The following BAIAP2L1 variants were observed in gnomAD, a reference collection of about 807,000 sequenced individuals.
BAIAP2L1 encodes BAR/IMD domain containing adaptor protein 2 like 1.
In BAIAP2L1, 35 loss-of-function variants were observed where a neutral mutation model predicts 66.3. The observed-to-expected ratio is 0.53, with a 90% CI of 0.40 to 0.70. The LOEUF is 0.70. Among genes scored for constraint, BAIAP2L1 ranks in the 30% least tolerant of loss-of-function variants. BAIAP2L1 has a pLI of 0.00. For synonymous variants in BAIAP2L1, 269 were observed against 248.7 expected, an observed-to-expected ratio of 1.08 and a Z score of -0.77; for missense variants, 622 against 656.9, an observed-to-expected ratio of 0.95 and a Z score of 0.58.
In BAIAP2L1 at chr7:98,294,083, G is replaced by A. The variant is rs746660259; in HGVS notation, c.1451C>T (p.Pro484Leu). ...AGGAAGCCACGCCTACCTGAGAAAA[G>A]GCGGCTTTGCAGTCCCGTTGGCATC... ...PNDANGTAKP[P>L]FLSGENPFAT... The change falls in exon 13 of 14, where the codon CCT becomes CTT. Residue 484 changes from proline (P) to leucine (L), a missense_variant. Pro to Leu is a moderately conservative substitution (Grantham distance 98). Coordinates refer to ENST00000005260, the MANE Select transcript of BAIAP2L1 (RefSeq NM_018842.5). 22 of 1,614,148 alleles carry A rather than the reference G, an allele frequency of 1.4e-5. No individual in the cohort carries two copies. In the South Asian group the frequency reaches 2.3e-4, roughly 17 times the overall value.
intron 2 of BAIAP2L1, among the ~76,000 whole-genome samples, chr7:98,359,541 G>A (rs1470721062): frequency 6.6e-6 from 1 of 152,108 alleles, no homozygotes; most frequent in Non-Finnish European, 1.5e-5. Flanking sequence ...AGTGTGCTGG[G>A]ATTACAGGCG....
chr7:98,315,640 T>TAATAAC, intron 6 of BAIAP2L1, 28 bp from the exon 7 acceptor site: 1 of 1,082,064 alleles, frequency 9.2e-7, no homozygotes, highest in Non-Finnish European at 1.2e-6. Flanking sequence ...ATAATAATAA[T>TAATAAC]AATTATATAA....
At chr7:98,370,372 C>CAA (rs397890051) in intron 1 of BAIAP2L1, among the ~76,000 whole-genome samples, 3,914 of 102,638 alleles carry the variant, frequency 0.038, 182 homozygotes, top group African/African-American at 0.062. Flanking sequence ...GGCTCCGTCT[C>CAA]AAAAAAAAAA....
At position 98,292,962 on chromosome 7, in the gene BAIAP2L1, G is replaced by T; in HGVS notation, c.*559C>A. ...TACAGCTCTGGCGTGGTTGGAGGGA[G>T]GGTGGGGGTTTCTCCATCTCTGGAA... On this transcript the variant is annotated 3_prime_UTR_variant, in exon 14 of 14. Coordinates refer to ENST00000005260, the MANE Select transcript of BAIAP2L1 (RefSeq NM_018842.5). The T allele has an allele frequency of 8.3e-7, 1 of 1,209,362 alleles. No individual in the cohort carries two copies. The highest frequency in any genetic ancestry group is 1.0e-6 in the Non-Finnish European group (1 of 972,942). The allele number at this position is 1,209,362 out of a possible 1,614,324, so 74.9% of individuals were successfully genotyped here. A position where few individuals can be genotyped will look rare whatever the true frequency, so the allele number is the denominator to read the frequency against.
intron 3 of BAIAP2L1, among the ~76,000 whole-genome samples, chr7:98,350,249 C>T (rs1183415325): frequency 2.0e-5 from 3 of 151,960 alleles, no homozygotes; most frequent in African/African-American, 4.8e-5. Context: ...TTTTCAACCA[C>T]GAGTCAGTGG....
chr7:98,374,500 T>C (rs1371630540), intron 1 of BAIAP2L1, among the ~76,000 whole-genome samples: 1 of 152,198 alleles, frequency 6.6e-6, no homozygotes, highest in Admixed American at 6.5e-5. Context: ...GTTTCCCTAC[T>C]GTCCTTTGCC....
At chr7:98,335,281 A>C (rs1801591403) in intron 3 of BAIAP2L1, among the ~76,000 whole-genome samples, 1 of 150,338 alleles carries the variant, frequency 6.7e-6, no homozygotes. Context: ...CACCCTTTCC[A>C]CTTCCAACGC....
rs1014836323 is a variant in BAIAP2L1 at position 98,301,794 on chromosome 7, C to T, written c.1422+2402G>A. The stretch of plus-strand genomic sequence containing the variant: ...GGACTGGATGACTGGGAATCTCTCC[C>T]GTGGAGGGGACAGCCTGAAGCTCGC... On this transcript the variant is annotated intron_variant, in intron 12 of 13. Transcript: ENST00000005260. 9.2e-5 allele frequency among the ~76,000 whole-genome samples: 14 copies of T among 152,062 alleles called. 1 individual carries two copies. The highest frequency in any genetic ancestry group is 3.1e-4 in the African/African-American group (13 of 41,400).
At position 98,304,204 on chromosome 7, in the gene BAIAP2L1, C is replaced by T. The variant is rs755715743; in HGVS notation, c.1414G>A (p.Ala472Thr). 24 of 1,594,550 alleles carry T rather than the reference C, an allele frequency of 1.5e-5. No individual in the cohort carries two copies. Among genetic ancestry groups the T allele is most frequent in the South Asian group, 7.9e-5 (7 of 89,034 alleles). The change falls in exon 12 of 14, where the codon GCG becomes ACG. Residue 472 changes from alanine to threonine, a missense_variant. By Grantham distance (58) the Ala-to-Thr change is moderately conservative. Coordinates refer to ENST00000005260, the MANE Select transcript of BAIAP2L1 (RefSeq NM_018842.5). ...GCTGCGGCTTTACTCACAGGAGCCG[C>T]GGTCTCGGGCTTGGACGCTGGGGCC... ...FKAPASKPET[A>T]APNDANGTAK...
intron 3 of BAIAP2L1, among the ~76,000 whole-genome samples, chr7:98,336,287 G>A (rs937830706): frequency 2.6e-5 from 4 of 152,060 alleles, no homozygotes; most frequent in Non-Finnish European, 4.4e-5. Context: ...TGCACCCCCC[G>A]AGTCAAAATA....
chr7:98,308,350 C>A, intron 9 of BAIAP2L1: 1 of 450,310 alleles, frequency 2.2e-6, no homozygotes, highest in Non-Finnish European at 4.5e-6. Flanking sequence ...GTTGGTCTTG[C>A]CATGCTGGCC....
intron 3 of BAIAP2L1, among the ~76,000 whole-genome samples, chr7:98,351,367 G>A (rs1483806602): frequency 6.6e-6 from 1 of 152,192 alleles, no homozygotes; most frequent in East Asian, 1.9e-4. Context: ...CGTGGGGGCT[G>A]TCACCAGGCC....
intron 3 of BAIAP2L1, among the ~76,000 whole-genome samples, chr7:98,352,747 G>A (rs1199569871): frequency 1.3e-5 from 2 of 152,192 alleles, no homozygotes; most frequent in Non-Finnish European, 2.9e-5. Flanking sequence ...CTAAGCCTGT[G>A]TTGTTTATAC....
intron 1 of BAIAP2L1, among the ~76,000 whole-genome samples, chr7:98,396,485 A>G (rs1348843162): frequency 6.6e-6 from 1 of 152,236 alleles, no homozygotes; most frequent in Non-Finnish European, 1.5e-5. Flanking sequence ...CGGTTTGTGC[A>G]TCTTTGGTCA....
intron 1 of BAIAP2L1, 82 bp from the exon 2 acceptor site, chr7:98,362,514 G>C: frequency 9.3e-7 from 1 of 1,073,776 alleles, no homozygotes; most frequent in Non-Finnish European, 1.4e-6. Flanking sequence ...GTGTGGCCCA[G>C]GATAGCTATG....
Position 98,312,249 on chromosome 7 carries a change from T to A in BAIAP2L1, c.655A>T (p.Asn219Tyr), listed in dbSNP as rs986612919. The part of the protein sequence containing the change: ...YYHLQSAELL[N>Y]SKLPRWQETC... ...TCCTGCCACCGAGGCAGCTTGGAAT[T>A]CAGTAGTTCTGCAGACTGCAAAGCC... The change falls in exon 8 of 14, where the codon AAT (asparagine) becomes TAT (tyrosine). Residue 219 changes from asparagine to tyrosine, a missense_variant. Asn to Tyr is a moderately radical substitution (Grantham distance 143). Transcript: ENST00000005260. 7 of 1,612,014 alleles carry A rather than the reference T, an allele frequency of 4.3e-6. No homozygotes were observed. The highest frequency in any genetic ancestry group is 5.9e-6 in the Non-Finnish European group (7 of 1,179,346).
In BAIAP2L1 at chr7:98,362,760, G is replaced by A. The variant is rs565377239; in HGVS notation, c.52-328C>T. Among the ~76,000 whole-genome samples the A allele has an allele frequency of 8.5e-5, 13 of 152,288 alleles. 1 individual carries two copies. In the Middle Eastern group the frequency reaches 0.01, roughly 120 times the overall value. ...AGGCCTGGCATCCTCTTGGGTTTGA[G>A]TGGATTGCTAATGGTTCTCATTCTA... On this transcript the variant is annotated intron_variant, in intron 1 of 13. Transcript: ENST00000005260.
In BAIAP2L1 at chr7:98,400,972, G is replaced by T. The variant is rs747528515; in HGVS notation, c.-120C>A. ...GGGCTCTGGAGGGTCGGCCGCCGCC[G>T]CAGCCGTCGGCCCGAGAGTGCCCGC... On this transcript the variant is annotated 5_prime_UTR_variant, in exon 1 of 14. Transcript: ENST00000005260. 1.1e-3 allele frequency: 942 copies of T among 894,608 alleles called. 5 individuals carry two copies. The highest frequency in any genetic ancestry group is 1.5e-3 in the Admixed American group (33 of 22,648). 55.4% of individuals were successfully genotyped at this position (894,608 alleles called of 1,614,324 possible). A position where few individuals can be genotyped will look rare whatever the true frequency, so the allele number is the denominator to read the frequency against.
chr7:98,341,363 A>G (rs1801737578), intron 3 of BAIAP2L1, among the ~76,000 whole-genome samples: 1 of 143,712 alleles, frequency 7.0e-6, no homozygotes, highest in Admixed American at 7.2e-5. Flanking sequence ...TGGCAGGAAA[A>G]TCTGACAGCC....
Sources: gnomAD v4.1 joint callset for allele counts (sites outside exome capture counted in the v4.1 genomes callset) on GRCh38, gnomAD v4.1.1 for gene constraint, MANE v1.5 for transcripts, NCBI Gene and HGNC (gene_info 2026-07-23, HGNC 2026-07-21) for gene names.